The following ANK3 variants were observed in gnomAD, a reference collection of about 807,000 sequenced individuals.
ANK3 encodes the protein ankyrin 3.
ANK3 carries 57 observed loss-of-function variants against 370.9 expected under a neutral mutation model. The ratio of observed to expected loss-of-function variants is 0.15; its 90% CI spans 0.12 to 0.19. The LOEUF (loss-of-function observed/expected upper bound fraction) is 0.19. Among genes scored for constraint, ANK3 ranks in the 10% least tolerant of loss-of-function variants. ANK3 has a pLI of 1.00. For synonymous variants in ANK3, 1,929 were observed against 1,946.3 expected (o/e 0.99, Z 0.23); for missense variants, 4,439 against 5,302.1 (o/e 0.84, Z 5.06).
chr10:60,422,547 T>C (rs1042024434), intron 2 of ANK3, among the ~76,000 whole-genome samples: 4 of 152,120 alleles, frequency 2.6e-5, no homozygotes, highest in Non-Finnish European at 5.9e-5. Context: ...TGGATTTCAG[T>C]TCTACCTGGA....
chr10:60,257,417 C>T (rs910638266), intron 7 of ANK3, among the ~76,000 whole-genome samples: 7 of 152,094 alleles, frequency 4.6e-5, no homozygotes, highest in Non-Finnish European at 5.9e-5. Flanking sequence ...GGGCAAGGTG[C>T]CTTCACAGAT....
chr10:60,534,605 C>A (rs1415831424), intron 2 of ANK3, among the ~76,000 whole-genome samples: 1 of 152,032 alleles, frequency 6.6e-6, no homozygotes, highest in African/African-American at 2.4e-5. Context: ...TCTGCAACAA[C>A]CTAAATTTCC....
At chr10:60,629,723 A>T (rs2078456971) in intron 1 of ANK3, among the ~76,000 whole-genome samples, 1 of 152,180 alleles carries the variant, frequency 6.6e-6, no homozygotes, top group South Asian at 2.1e-4. Flanking sequence ...AGAAAATATA[A>T]AAGACATATT....
At chr10:60,633,941 TATTTTAAC>T (rs1422618194) in intron 1 of ANK3, among the ~76,000 whole-genome samples, 1 of 152,162 alleles carries the variant, frequency 6.6e-6, no homozygotes, top group East Asian at 1.9e-4. Flanking sequence ...AAAGAGAGGG[TATTTTAAC>T]ATAAGACGGA....
At chr10:60,295,178 A>T (rs551950457) in intron 1 of ANK3, among the ~76,000 whole-genome samples, 1 of 152,176 alleles carries the variant, frequency 6.6e-6, no homozygotes, top group Admixed American at 6.6e-5. Context: ...GTCACTTTCT[A>T]TTGGCAAGTC....
rs1434561951 is a variant in ANK3 at position 60,026,694 on chromosome 10, TG to T, written c.*3151del. ...TATTTACAGAGGAAAGGAGGCTAGC[TG>T]CTTATGTGTTCAATGAAGTAATAGA... On this transcript the variant is annotated 3_prime_UTR_variant, in exon 44 of 44. Transcript: ENST00000280772. The T allele has an allele frequency of 6.6e-6, 1 of 152,236 alleles. No individual in the cohort carries two copies. Among genetic ancestry groups the T allele is most frequent in the Non-Finnish European group, 1.5e-5 (1 of 68,044 alleles). The allele number at this position is 152,236 out of a possible 1,614,324, so 9.4% of individuals were successfully genotyped here. A position where few individuals can be genotyped will look rare whatever the true frequency, so the allele number is the denominator to read the frequency against.
At chr10:60,081,816 T>C (rs200167368) in intron 35 of ANK3, 1 of 22 alleles carries the variant, frequency 0.045, no homozygotes, top group Admixed American at 0.5. Context: ...GGTCCTACTC[T>C]TTTCCCCCTT....
chr10:60,640,981 C>A (rs1383545753), intron 1 of ANK3, among the ~76,000 whole-genome samples: 1 of 139,482 alleles, frequency 7.2e-6, no homozygotes, highest in Non-Finnish European at 1.6e-5. Flanking sequence ...TCTTATATAC[C>A]AATAACAGAC....
At chr10:60,488,104 CA>C (rs2075397328) in intron 2 of ANK3, among the ~76,000 whole-genome samples, 1 of 151,870 alleles carries the variant, frequency 6.6e-6, no homozygotes, top group African/African-American at 2.4e-5. Context: ...AAGTAAGATA[CA>C]GGGAAAAAAG....
chr10:60,399,780 T>A (rs7914610), intron 2 of ANK3, among the ~76,000 whole-genome samples: 22 of 152,036 alleles, frequency 1.4e-4, no homozygotes, highest in African/African-American at 4.8e-4. Context: ...AATGAAAAAA[T>A]TTAAATTGTG....
At chr10:60,190,859 A>G (rs1477401152) in intron 16 of ANK3, among the ~76,000 whole-genome samples, 1 of 152,216 alleles carries the variant, frequency 6.6e-6, no homozygotes, top group Non-Finnish European at 1.5e-5. Flanking sequence ...AGTAACCAAA[A>G]CAGCATGGCA....
Position 60,071,447 on chromosome 10 carries a change from T to A in ANK3, c.9434A>T (p.Gln3145Leu), listed in dbSNP as rs1261179632. 1 of 1,614,104 alleles carries A rather than the reference T, an allele frequency of 6.2e-7. No homozygotes were observed. Residue 3145 changes from glutamine to leucine, a missense_variant, in exon 37 of 44, where the codon CAA becomes CTA. By Grantham distance (113) the Gln-to-Leu change is moderately radical. This residue lies in a region of ANK3 where 1,601 missense variants were observed against 1,731.7 expected (regional missense o/e 0.92). Coordinates refer to ENST00000280772, the MANE Select transcript of ANK3 (RefSeq NM_020987.5). The stretch of plus-strand genomic sequence containing the variant: ...TAGAGTATCATCTTCTGGACTACCT[T>A]GGGGAGAAGGAGGTTGCTTTTGCTG... ...TRQQKQPPSP[Q>L]GSPEDDTLEQ... is the part of the protein sequence containing the mutation.
chr10:60,424,396 T>C (rs187325748), intron 2 of ANK3, among the ~76,000 whole-genome samples: 53 of 152,086 alleles, frequency 3.5e-4, no homozygotes, highest in African/African-American at 1.3e-3. Context: ...AGTTGAACAA[T>C]TGTGGAAATA....
intron 2 of ANK3, among the ~76,000 whole-genome samples, chr10:60,499,186 C>A (rs2075734287): frequency 6.6e-6 from 1 of 152,160 alleles, no homozygotes; most frequent in Non-Finnish European, 1.5e-5. Context: ...AGAGTCCTGG[C>A]TACTTGACAA....
chr10:60,412,400 G>C (rs2063578107), intron 2 of ANK3, among the ~76,000 whole-genome samples: 1 of 152,116 alleles, frequency 6.6e-6, no homozygotes, highest in South Asian at 2.1e-4. Context: ...CAGACCTTCA[G>C]ATCCACATTG....
chr10:60,065,189 G>T (rs868623001), intron 38 of ANK3, among the ~76,000 whole-genome samples: 1 of 152,096 alleles, frequency 6.6e-6, no homozygotes, highest in African/African-American at 2.4e-5. Context: ...CCATCTACTC[G>T]TATACACTCA....
intron 8 of ANK3, among the ~76,000 whole-genome samples, chr10:60,227,441 A>C (rs1448903829): frequency 2.6e-5 from 4 of 152,052 alleles, no homozygotes; most frequent in Non-Finnish European, 5.9e-5. Flanking sequence ...GGGTAGGCTA[A>C]GATTCCTTGA....
intron 1 of ANK3, among the ~76,000 whole-genome samples, chr10:60,347,833 T>C (rs2055965440): frequency 6.6e-6 from 1 of 152,196 alleles, no homozygotes; most frequent in Non-Finnish European, 1.5e-5. Context: ...TTCCAACAAG[T>C]TCTCAGCTGA....
rs1213985169 is a variant in ANK3 at position 60,075,527 on chromosome 10, G to A, written c.5354C>T (p.Ala1785Val). The change falls in exon 37 of 44, where the codon GCA becomes GTA. Residue 1785 changes from alanine to valine, a missense_variant. Physicochemically the swap from Ala to Val is moderately conservative, Grantham distance 64 (BLOSUM62 0). Around this residue, in one of 13 missense-constraint regions of ANK3, gnomAD observed 679 missense variants for 791.0 expected, o/e 0.86. Coordinates refer to ENST00000280772, the MANE Select transcript of ANK3 (RefSeq NM_020987.5). ...FSPLRSYVSA[A>V]PSAFQSLRTP... Reference sequence around the variant, plus strand: ...TCTTAGAGACTGAAAAGCTGATGGTGCTGCAGAAACATATGACCTGAGTGG... The same window carrying A: ...TCTTAGAGACTGAAAAGCTGATGGTACTGCAGAAACATATGACCTGAGTGG... 3 of 1,613,790 alleles carry A rather than the reference G, an allele frequency of 1.9e-6. No individual in the cohort carries two copies. Among genetic ancestry groups the A allele is most frequent in the African/African-American group, 2.7e-5 (2 of 75,048 alleles).
Sources: allele counts gnomAD v4.1 joint callset (sites outside exome capture counted in the v4.1 genomes callset), GRCh38; gene constraint gnomAD v4.1.1; regional missense constraint gnomAD v4.1.1; transcripts MANE v1.5; gene names NCBI Gene and HGNC (gene_info 2026-07-23, HGNC 2026-07-21).